The following TMED10 variants were observed in gnomAD, a reference collection of about 807,000 sequenced individuals.
TMED10 encodes transmembrane p24 trafficking protein 10, also known as transmembrane emp24 domain-containing protein 10.
Under a neutral mutation model 23.1 loss-of-function variants are expected in TMED10, and 7 were observed. That is an observed-to-expected ratio of 0.30 (90% CI 0.17 to 0.57). The LOEUF is 0.57. TMED10 is among the 20% of genes least tolerant of loss of function. TMED10 has a pLI of 0.91. For missense variants in TMED10, 162 were observed against 274.8 expected, an observed-to-expected ratio of 0.59 and a Z score of 2.90; for synonymous variants, 113 against 106.9, an observed-to-expected ratio of 1.06 and a Z score of -0.35.
At chr14:75,137,329 CT>C (rs1205748389) in intron 3 of TMED10, among the ~76,000 whole-genome samples, 1 of 149,218 alleles carries the variant, frequency 6.7e-6, no homozygotes, top group Non-Finnish European at 1.5e-5. Flanking sequence ...GATCTTAAAA[CT>C]TTTACATACC....
chr14:75,151,688 G>C (rs1895957895), intron 2 of TMED10, among the ~76,000 whole-genome samples: 1 of 152,068 alleles, frequency 6.6e-6, no homozygotes, highest in Non-Finnish European at 1.5e-5. Flanking sequence ...AACCTACATG[G>C]ACACATCACT....
chr14:75,165,241 T>C (rs1226772872), intron 1 of TMED10, among the ~76,000 whole-genome samples: 1 of 151,880 alleles, frequency 6.6e-6, no homozygotes, highest in East Asian at 1.9e-4. Context: ...CTTTCTTTCT[T>C]TTTTTTTAGA....
Position 75,151,849 on chromosome 14 carries a change from T to C in TMED10, c.337+183A>G, listed in dbSNP as rs76583846. ...CTAAAAATTCTCTCTGTTCCACCTA[T>C]TCAATCTTTTATTCCATGTAGTCGA... On this transcript the variant is annotated intron_variant, in intron 2 of 4. Coordinates refer to ENST00000303575, the MANE Select transcript of TMED10 (RefSeq NM_006827.6). Among the ~76,000 whole-genome samples the C allele has an allele frequency of 0.021, 3,124 of 152,310 alleles. 68 individuals are homozygous for C. The highest frequency in any genetic ancestry group is 0.05 in the African/African-American group (2,081 of 41,560).
At chr14:75,143,012 C>A (rs1895841446) in intron 3 of TMED10, among the ~76,000 whole-genome samples, 1 of 152,134 alleles carries the variant, frequency 6.6e-6, no homozygotes, top group African/African-American at 2.4e-5. Flanking sequence ...GCGCCTGCCA[C>A]CACACCCAGC....
At chr14:75,147,476 G>A (rs1895901041) in intron 3 of TMED10, 188 bp downstream of exon 3, 1 of 669,436 alleles carries the variant, frequency 1.5e-6, no homozygotes, top group Non-Finnish European at 2.6e-6. Flanking sequence ...TTACAGGAGT[G>A]AGCCACCGCG....
Position 75,147,707 on chromosome 14 carries a change from A to G in TMED10, c.368T>C (p.Ile123Thr). The part of the protein sequence containing the change: ...GTGRIPDQLV[I>T]LDMKHGVEAK... ...CTCCACTCCATGCTTCATGTCTAGG[A>G]TCACGAGTTGGTCAGGTATCCGCCC... The change falls in exon 3 of 5, where the codon ATC becomes ACC. Residue 123 changes from isoleucine (I) to threonine (T), a missense_variant. Physicochemically the swap from Ile to Thr is moderately conservative, Grantham distance 89. This residue lies in a region of TMED10 where 126 missense variants were observed against 239.5 expected (regional missense o/e 0.53). Coordinates refer to ENST00000303575, the MANE Select transcript of TMED10 (RefSeq NM_006827.6). The G allele has an allele frequency of 1.2e-6, 2 of 1,614,186 alleles. No individual in the cohort carries two copies. The highest frequency in any genetic ancestry group is 1.7e-6 in the Non-Finnish European group (2 of 1,180,028).
At position 75,133,493 on chromosome 14, in the gene TMED10, T is replaced by C. The variant is rs1269783143; in HGVS notation, c.*1392A>G. The C allele has an allele frequency of 6.6e-6, 1 of 152,304 alleles. No individual in the cohort carries two copies. Among genetic ancestry groups the C allele is most frequent in the Non-Finnish European group, 1.5e-5 (1 of 68,102 alleles). The allele number at this position is 152,304 out of a possible 1,614,324, so 9.4% of individuals were successfully genotyped here. A position where few individuals can be genotyped will look rare whatever the true frequency, so the allele number is the denominator to read the frequency against. On this transcript the variant is annotated 3_prime_UTR_variant, in exon 5 of 5. Coordinates refer to ENST00000303575, the MANE Select transcript of TMED10 (RefSeq NM_006827.6). ...GATAAAAAATAGTAGTAATACCAAA[T>C]GCTGGTGAGGATGTGAAGAAACTGG...
At chr14:75,148,594 T>C (rs2139841115) in intron 2 of TMED10, among the ~76,000 whole-genome samples, 1 of 152,214 alleles carries the variant, frequency 6.6e-6, no homozygotes, top group Middle Eastern at 3.4e-3. Context: ...TTCACCTAGT[T>C]ATAAAATTTA....
chr14:75,174,040 G>A (rs1413070940), intron 1 of TMED10, among the ~76,000 whole-genome samples: 1 of 152,072 alleles, frequency 6.6e-6, no homozygotes, highest in African/African-American at 2.4e-5. Flanking sequence ...CTAAAGTCCT[G>A]CTGTTGAGGT....
At chr14:75,137,431 G>T (rs1895763323) in intron 3 of TMED10, among the ~76,000 whole-genome samples, 1 of 148,396 alleles carries the variant, frequency 6.7e-6, no homozygotes, top group Admixed American at 6.7e-5. Flanking sequence ...CCAGCACTTT[G>T]GGAGGCCGAG....
intron 1 of TMED10, among the ~76,000 whole-genome samples, chr14:75,165,137 A>C (rs1328523235): frequency 6.6e-6 from 1 of 152,220 alleles, no homozygotes; most frequent in African/African-American, 2.4e-5. Context: ...CAAAGGGTCT[A>C]TTCCCCTAAG....
intron 3 of TMED10, among the ~76,000 whole-genome samples, chr14:75,141,980 C>G (rs175436): frequency 0.47 from 71,744 of 152,060 alleles, 17,406 homozygotes; most frequent in Middle Eastern, 0.56. Flanking sequence ...TATCACAGTA[C>G]AAAAAGCTAA....
At position 75,137,514 on chromosome 14, in the gene TMED10, T is replaced by TA. The variant is rs1214366100; in HGVS notation, c.412-1629dup. ...GGTGAAACCCCGTCTCTACTAAAAA[T>TA]AAAAAAAAAAAATAGCTGGGCGTGG... On this transcript the variant is annotated intron_variant, in intron 3 of 4. Transcript: ENST00000303575. 4.9e-3 allele frequency among the ~76,000 whole-genome samples: 660 copies of TA among 135,456 alleles called. 3 individuals carry two copies. The highest frequency in any genetic ancestry group is 0.013 in the African/African-American group (469 of 37,370). The allele number at this position is 135,456 out of a possible 152,430, so 88.9% of individuals were successfully genotyped here.
chr14:75,149,832 C>G (rs1301563509), intron 2 of TMED10, among the ~76,000 whole-genome samples: 2 of 104,766 alleles, frequency 1.9e-5, no homozygotes, highest in East Asian at 4.2e-4. Context: ...GGGATGGGCA[C>G]GGTGGCTCAT....
chr14:75,149,425 G>A (rs1186587448), intron 2 of TMED10, among the ~76,000 whole-genome samples: 1 of 152,040 alleles, frequency 6.6e-6, no homozygotes, highest in Admixed American at 6.6e-5. Flanking sequence ...CTTGATCTTG[G>A]ACTTTCCAGA....
chr14:75,159,507 G>A (rs1268337061), intron 1 of TMED10, among the ~76,000 whole-genome samples: 5 of 152,190 alleles, frequency 3.3e-5, no homozygotes, highest in Non-Finnish European at 7.3e-5. Flanking sequence ...TGCAGGATTT[G>A]CACACATTTG....
At chr14:75,166,998 G>A (rs1180932047) in intron 1 of TMED10, among the ~76,000 whole-genome samples, 2 of 144,762 alleles carry the variant, frequency 1.4e-5, no homozygotes, top group Non-Finnish European at 3.0e-5. Flanking sequence ...CTGGAGTGCA[G>A]TGGCGTGATC....
chr14:75,172,551 G>A (rs915764720), intron 1 of TMED10, among the ~76,000 whole-genome samples: 4 of 151,900 alleles, frequency 2.6e-5, no homozygotes, highest in East Asian at 1.9e-4. Context: ...CTCGTGATTC[G>A]CCCACCTCGG....
At chr14:75,170,264 C>T (rs11159119) in intron 1 of TMED10, among the ~76,000 whole-genome samples, 82,172 of 151,814 alleles carry the variant, frequency 0.54, 23,298 homozygotes, top group African/African-American at 0.68. Flanking sequence ...GAACGGACAC[C>T]ATGAAAAAGA....
Sources: gnomAD v4.1 joint callset for allele counts (sites outside exome capture counted in the v4.1 genomes callset) on GRCh38, gnomAD v4.1.1 for gene constraint, gnomAD v4.1.1 regional missense constraint, MANE v1.5 for transcripts, NCBI Gene and HGNC (gene_info 2026-07-23, HGNC 2026-07-21) for gene names.